Variants in ANGPT1 observed in about 807,000 individuals in gnomAD.
ANGPT1 encodes the protein angiopoietin-1.
ANGPT1 carries 17 observed loss-of-function variants against 62.2 expected under a neutral mutation model. The observed-to-expected ratio is 0.27, with a 90% confidence interval of 0.19 to 0.41. The LOEUF (loss-of-function observed/expected upper bound fraction) is 0.41, where lower values mean the gene tolerates loss of function less well. Ranked by LOEUF, ANGPT1 falls within the 10% of genes least tolerant of loss-of-function variation. The probability of loss-of-function intolerance (pLI) is 1.00; values close to 1 mark genes in which losing one functional copy is unlikely to be tolerated. For synonymous variants in ANGPT1, 199 were observed against 198.9 expected (o/e 1.00, Z 0.00); for missense variants, 478 against 594.9 (o/e 0.80, Z 2.04).
At chr8:107,380,534 A>T (rs2130272757) in intron 1 of ANGPT1, among the ~76,000 whole-genome samples, 1 of 152,146 alleles carries the variant, frequency 6.6e-6, no homozygotes, top group South Asian at 2.1e-4. Context: ...TTTAAAAAAA[A>T]TTTATTTCTT....
intron 2 of ANGPT1, among the ~76,000 whole-genome samples, chr8:107,343,414 C>T (rs191075131): frequency 5.6e-4 from 85 of 152,242 alleles, no homozygotes; most frequent in African/African-American, 1.9e-3. Context: ...GATGAAGAGC[C>T]CCTAGCCAAA....
chr8:107,459,837 G>A (rs1418580404), intron 1 of ANGPT1, among the ~76,000 whole-genome samples: 1 of 152,056 alleles, frequency 6.6e-6, no homozygotes, highest in African/African-American at 2.4e-5. Flanking sequence ...AACAGCACAG[G>A]GTGTTGAATG....
At chr8:107,260,036 T>A (rs376538037) in intron 8 of ANGPT1, among the ~76,000 whole-genome samples, 1 of 152,164 alleles carries the variant, frequency 6.6e-6, no homozygotes, top group African/African-American at 2.4e-5. Context: ...AAACTTATGC[T>A]CTAGCCTGTC....
chr8:107,363,863 C>T (rs960736404), intron 1 of ANGPT1, among the ~76,000 whole-genome samples: 3 of 152,140 alleles, frequency 2.0e-5, no homozygotes, highest in Admixed American at 6.6e-5. Context: ...GCCTCAACTT[C>T]CTCATCTGTA....
At chr8:107,421,768 A>T (rs1810901670) in intron 1 of ANGPT1, among the ~76,000 whole-genome samples, 1 of 152,216 alleles carries the variant, frequency 6.6e-6, no homozygotes, top group South Asian at 2.1e-4. Flanking sequence ...GAAGGAAGTT[A>T]GTTTCAGTAA....
chr8:107,497,645 A>G lies in ANGPT1; in HGVS notation c.-87T>C. ...AAAACTAGTTCTTTATTTCAGGTAA[A>G]ACTGCTTGTTTGTTTGACTCTTTCC... On this transcript the variant is annotated 5_prime_UTR_variant, in exon 1 of 9. Coordinates refer to ENST00000517746, the MANE Select transcript of ANGPT1 (RefSeq NM_001146.5). 7.3e-7 allele frequency: 1 copy of G among 1,369,522 alleles called. No homozygotes were observed. The highest frequency in any genetic ancestry group is 9.8e-7 in the Non-Finnish European group (1 of 1,023,694). 84.8% of individuals were successfully genotyped at this position (1,369,522 alleles called of 1,614,324 possible).
chr8:107,274,757 T>G (rs967054827), intron 7 of ANGPT1, among the ~76,000 whole-genome samples: 1 of 152,114 alleles, frequency 6.6e-6, no homozygotes, highest in African/African-American at 2.4e-5. Flanking sequence ...GCTGTGTGGA[T>G]TCGCACAAAA....
chr8:107,377,039 G>A (rs1237688956), intron 1 of ANGPT1, among the ~76,000 whole-genome samples: 1 of 151,912 alleles, frequency 6.6e-6, no homozygotes, highest in Non-Finnish European at 1.5e-5. Context: ...TTACAAGCAG[G>A]GCCCATTTTT....
At chr8:107,259,181 T>C (rs1218642850) in intron 8 of ANGPT1, among the ~76,000 whole-genome samples, 1 of 152,224 alleles carries the variant, frequency 6.6e-6, no homozygotes, top group Non-Finnish European at 1.5e-5. Flanking sequence ...TCAATATTTT[T>C]ACCTTGAAAC....
In ANGPT1 at chr8:107,321,907, G is replaced by A; in HGVS notation, c.797C>T (p.Thr266Ile). ...DTVHNLVNLC[T>I]KEGVLLKGGK... is the part of the protein sequence containing the mutation. ...GAAGACATTCTTACCACCTTCTTTA[G>A]TGCAAAGATTGACAAGGTTGTGGAC... Residue 266 changes from threonine (T) to isoleucine (I), a missense_variant, in exon 4 of 9, where the codon ACT becomes ATT. Thr to Ile is a moderately conservative substitution (Grantham distance 89). Transcript: ENST00000517746. 1 of 1,613,570 alleles carries A rather than the reference G, an allele frequency of 6.2e-7. No homozygotes were observed.
intron 5 of ANGPT1, among the ~76,000 whole-genome samples, chr8:107,297,876 T>C (rs1352960432): frequency 1.3e-5 from 2 of 151,532 alleles, no homozygotes; most frequent in East Asian, 3.9e-4. Flanking sequence ...TAAAAGCCTA[T>C]GCTTAACAGA....
intron 5 of ANGPT1, 111 bp from the exon 6 acceptor site, chr8:107,294,148 C>A (rs918380514): frequency 2.8e-5 from 18 of 653,232 alleles, no homozygotes; most frequent in Non-Finnish European, 4.0e-5. Context: ...TTACAAAAAC[C>A]GAAATTACTA....
Position 107,336,138 on chromosome 8 carries a change from A to T in ANGPT1, c.575+12T>A. 1 of 1,593,948 alleles carries T rather than the reference A, an allele frequency of 6.3e-7. No individual in the cohort carries two copies. The highest frequency in any genetic ancestry group is 8.5e-7 in the Non-Finnish European group (1 of 1,174,080). The stretch of plus-strand genomic sequence containing the variant: ...ACACACAGAAACATTTTTGGAATAA[A>T]GCAATCCTCACCTGTTTTTTTCATG... On this transcript the variant is annotated intron_variant, in intron 3 of 8. Coordinates refer to ENST00000517746, the MANE Select transcript of ANGPT1 (RefSeq NM_001146.5).
intron 4 of ANGPT1, among the ~76,000 whole-genome samples, chr8:107,320,061 A>G (rs1240116054): frequency 6.6e-6 from 1 of 152,168 alleles, no homozygotes; most frequent in Non-Finnish European, 1.5e-5. Context: ...TATGATTATT[A>G]TTACTATTTT....
chr8:107,413,887 T>C (rs1044186548), intron 1 of ANGPT1, among the ~76,000 whole-genome samples: 1 of 151,970 alleles, frequency 6.6e-6, no homozygotes, highest in Non-Finnish European at 1.5e-5. Context: ...TTTAGAGATA[T>C]GTTGTAGGTA....
chr8:107,453,388 T>C (rs1212288277), intron 1 of ANGPT1, among the ~76,000 whole-genome samples: 1 of 152,030 alleles, frequency 6.6e-6, no homozygotes, highest in Non-Finnish European at 1.5e-5. Flanking sequence ...CAGTTCCACA[T>C]GGCTGGGGAG....
intron 6 of ANGPT1, among the ~76,000 whole-genome samples, chr8:107,287,525 A>C (rs906099182): frequency 1.3e-5 from 2 of 152,204 alleles, no homozygotes; most frequent in African/African-American, 4.8e-5. Context: ...ATGAATCAAA[A>C]TGGCTGCAAT....
At chr8:107,451,994 T>C (rs910547138) in intron 1 of ANGPT1, among the ~76,000 whole-genome samples, 1 of 151,846 alleles carries the variant, frequency 6.6e-6, no homozygotes, top group Admixed American at 6.6e-5. Context: ...TTATACTTTA[T>C]ATTTGTTTAT....
At chr8:107,370,070 C>T (rs1193258775) in intron 1 of ANGPT1, among the ~76,000 whole-genome samples, 3 of 150,188 alleles carry the variant, frequency 2.0e-5, no homozygotes, top group Non-Finnish European at 3.0e-5. Context: ...ATGGGAAAGT[C>T]AAGGCTCAGA....
Sources: gnomAD v4.1 joint callset for allele counts (sites outside exome capture counted in the v4.1 genomes callset) on GRCh38, gnomAD v4.1.1 for gene constraint, MANE v1.5 for transcripts, NCBI Gene and HGNC (gene_info 2026-07-23, HGNC 2026-07-21) for gene names.